GABBR2: variants seen among roughly 807,000 people sequenced by gnomAD.
The protein encoded by GABBR2 is gamma-aminobutyric acid type B receptor subunit 2.
GABBR2 carries 23 observed loss-of-function variants against 105.6 expected under a neutral mutation model. The ratio of observed to expected loss-of-function variants is 0.22; its 90% CI spans 0.16 to 0.31. The LOEUF is 0.31. Ranked by LOEUF, GABBR2 falls within the 10% of genes least tolerant of loss-of-function variation. GABBR2 has a pLI of 1.00. For synonymous variants in GABBR2, 478 were observed against 499.7 expected (o/e 0.96, Z 0.58); for missense variants, 734 against 1,245.5 (o/e 0.59, Z 6.18).
intron 6 of GABBR2, among the ~76,000 whole-genome samples, chr9:98,461,091 C>G (rs1392281287): frequency 6.6e-6 from 1 of 152,040 alleles, no homozygotes; most frequent in Non-Finnish European, 1.5e-5. Flanking sequence ...GACAGCCAGA[C>G]ACTTGGAAGA....
intron 3 of GABBR2, among the ~76,000 whole-genome samples, chr9:98,531,711 C>G (rs1828071320): frequency 6.6e-6 from 1 of 152,258 alleles, no homozygotes; most frequent in African/African-American, 2.4e-5. Context: ...TGCTTGAACC[C>G]CAGGATCTGT....
intron 2 of GABBR2, among the ~76,000 whole-genome samples, chr9:98,571,711 A>G (rs904901864): frequency 1.3e-5 from 2 of 152,142 alleles, no homozygotes; most frequent in African/African-American, 4.8e-5. Flanking sequence ...AATTTCCCCA[A>G]CAGCAGGCCT....
At chr9:98,489,985 C>G (rs1230823563) in intron 4 of GABBR2, among the ~76,000 whole-genome samples, 1 of 152,150 alleles carries the variant, frequency 6.6e-6, no homozygotes, top group Admixed American at 6.5e-5. Context: ...CCCAGCTACT[C>G]AGGAGGCTGA....
intron 13 of GABBR2, among the ~76,000 whole-genome samples, chr9:98,332,938 A>C (rs1831053230): frequency 6.6e-6 from 1 of 152,214 alleles, no homozygotes; most frequent in Non-Finnish European, 1.5e-5. Flanking sequence ...TCGCTCTGGC[A>C]GCCCTGGTAA....
intron 7 of GABBR2, among the ~76,000 whole-genome samples, chr9:98,428,225 G>T (rs1006780927): frequency 3.9e-5 from 6 of 152,162 alleles, no homozygotes; most frequent in African/African-American, 1.4e-4. Context: ...AAGGTGATGT[G>T]CCCATGGACC....
intron 1 of GABBR2, among the ~76,000 whole-genome samples, chr9:98,598,916 T>A (rs1423521707): frequency 6.6e-6 from 1 of 152,124 alleles, no homozygotes; most frequent in Non-Finnish European, 1.5e-5. Flanking sequence ...CACTCTGTCT[T>A]TTATTAACAA....
At chr9:98,551,512 C>T (rs1372146602) in intron 2 of GABBR2, among the ~76,000 whole-genome samples, 1 of 152,174 alleles carries the variant, frequency 6.6e-6, no homozygotes, top group African/African-American at 2.4e-5. Flanking sequence ...GAAAGGTCAT[C>T]CAGTAGACCA....
At chr9:98,592,409 C>A (rs1829159264) in intron 1 of GABBR2, among the ~76,000 whole-genome samples, 1 of 152,190 alleles carries the variant, frequency 6.6e-6, no homozygotes, top group East Asian at 1.9e-4. Context: ...TCTTTTTACG[C>A]ATTAGCCCAC....
At chr9:98,481,079 C>A (rs1175677020) in intron 4 of GABBR2, 82 bp from the exon 5 acceptor site, 1 of 911,356 alleles carries the variant, frequency 1.1e-6, no homozygotes, top group South Asian at 1.3e-5. Context: ...AGACAACATT[C>A]CTTCACCTCT....
rs2808537 is a variant in GABBR2, at chr9:98,578,158, A to G, written c.322-86T>C. On this transcript the variant is annotated intron_variant, in intron 1 of 18. Coordinates refer to ENST00000259455, the MANE Select transcript of GABBR2 (RefSeq NM_005458.8). ...GAGCCCAACAAACAAATCTTTCCTC[A>G]TGGAAACCTTCTGGGTTTCAGTTCT... The G allele has an allele frequency of 0.72, 1,060,325 of 1,477,294 alleles. 383,588 individuals are homozygous for G. The highest frequency in any genetic ancestry group is 0.84 in the African/African-American group (59,876 of 71,506). The allele number at this position is 1,477,294 out of a possible 1,614,324, so 91.5% of individuals were successfully genotyped here.
chr9:98,389,895 G>A (rs1460071161), intron 9 of GABBR2, among the ~76,000 whole-genome samples: 1 of 152,118 alleles, frequency 6.6e-6, no homozygotes. Context: ...GTAGGGGTAT[G>A]TGGAATCAGC....
intron 7 of GABBR2, among the ~76,000 whole-genome samples, chr9:98,444,383 C>T (rs1473950881): frequency 1.3e-5 from 2 of 151,934 alleles, no homozygotes; most frequent in Non-Finnish European, 2.9e-5. Flanking sequence ...AGGGGAGAGA[C>T]CTGACATAGG....
At chr9:98,708,098 T>C (rs1453712317) in intron 1 of GABBR2, among the ~76,000 whole-genome samples, 3 of 152,160 alleles carry the variant, frequency 2.0e-5, no homozygotes, top group African/African-American at 7.2e-5. Context: ...TGTAGGCCTT[T>C]GGGGGTCCAG....
chr9:98,613,674 C>T (rs549347638), intron 1 of GABBR2, among the ~76,000 whole-genome samples: 3 of 152,356 alleles, frequency 2.0e-5, no homozygotes, highest in African/African-American at 7.2e-5. Flanking sequence ...AGGGAAGTAA[C>T]TGCATGCCTG....
chr9:98,330,830 T>C (rs1831011157), intron 13 of GABBR2, among the ~76,000 whole-genome samples: 1 of 152,232 alleles, frequency 6.6e-6, no homozygotes, highest in African/African-American at 2.4e-5. Context: ...GTCACAATGC[T>C]GTGCAATTAG....
intron 1 of GABBR2, among the ~76,000 whole-genome samples, chr9:98,708,111 C>A (rs1830924658): frequency 6.6e-6 from 1 of 152,208 alleles, no homozygotes; most frequent in African/African-American, 2.4e-5. Flanking sequence ...GGGTCCAGCC[C>A]CCACCTTCTC....
At chr9:98,350,347 T>C (rs1001290530) in intron 13 of GABBR2, among the ~76,000 whole-genome samples, 1 of 152,282 alleles carries the variant, frequency 6.6e-6, no homozygotes, top group Admixed American at 6.5e-5. Flanking sequence ...ATTTGAAATT[T>C]CCCTACTTTT....
At position 98,498,770 on chromosome 9, in the gene GABBR2, G is replaced by A. The variant is rs551264780; in HGVS notation, c.631-2256C>T. On this transcript the variant is annotated intron_variant, in intron 3 of 18. Transcript: ENST00000259455. ...AAGATTGGTAACTAGTCAATGGGGGGAAAAAGTTAACTTTTCCATTAGAGT... is the reference window on the plus strand; with the variant it reads ...AAGATTGGTAACTAGTCAATGGGGGAAAAAAGTTAACTTTTCCATTAGAGT... Among the ~76,000 whole-genome samples, 410 of 152,280 alleles carry A rather than the reference G, an allele frequency of 2.7e-3. 1 individual carries two copies. Among genetic ancestry groups the A allele is most frequent in the Non-Finnish European group, 4.7e-3 (317 of 68,024 alleles).
At position 98,375,963 on chromosome 9, in the gene GABBR2, T is replaced by G. The variant is rs139207257; in HGVS notation, c.1663-4392A>C. Among the ~76,000 whole-genome samples the G allele has an allele frequency of 2.8e-3, 429 of 152,312 alleles. 1 individual carries two copies. Among genetic ancestry groups the G allele is most frequent in the African/African-American group, 0.01 (416 of 41,566 alleles). ...GTCAACACCAAATAGCTACTTCACT[T>G]TTTCTCCTAAAGTCTTACGTGTGTT... On this transcript the variant is annotated intron_variant, in intron 11 of 18. Coordinates refer to ENST00000259455, the MANE Select transcript of GABBR2 (RefSeq NM_005458.8).
Sources: allele counts gnomAD v4.1 joint callset (sites outside exome capture counted in the v4.1 genomes callset), GRCh38; gene constraint gnomAD v4.1.1; transcripts MANE v1.5; gene names NCBI Gene and HGNC (gene_info 2026-07-23, HGNC 2026-07-21).